MAGI2: variants seen among roughly 807,000 people sequenced by gnomAD.
MAGI2 encodes membrane-associated guanylate kinase, WW and PDZ domain-containing protein 2.
A neutral mutation model predicts 133.3 loss-of-function variants in MAGI2; 35 were observed. The observed-to-expected ratio is 0.26, with a 90% confidence interval of 0.20 to 0.35. The LOEUF is 0.35. Among genes scored for constraint, MAGI2 ranks in the 10% least tolerant of loss-of-function variants. The pLI is 1.00. For synonymous variants in MAGI2, 729 were observed against 710.6 expected (o/e 1.03, Z -0.41); for missense variants, 1,636 against 1,863.4 (o/e 0.88, Z 2.25).
intron 1 of MAGI2, among the ~76,000 whole-genome samples, chr7:79,274,687 T>C (rs1835112269): frequency 6.6e-6 from 1 of 152,308 alleles, no homozygotes; most frequent in South Asian, 2.1e-4. Context: ...TTTCACTTTA[T>C]TGCACTTTGC....
At chr7:78,247,261 T>C (rs966281597) in intron 10 of MAGI2, among the ~76,000 whole-genome samples, 2 of 151,984 alleles carry the variant, frequency 1.3e-5, no homozygotes, top group African/African-American at 4.8e-5. Context: ...CAAACTCCTA[T>C]AGCCTAGGCT....
At chr7:78,909,192 G>A (rs1348294678) in intron 2 of MAGI2, among the ~76,000 whole-genome samples, 1 of 151,184 alleles carries the variant, frequency 6.6e-6, no homozygotes, top group African/African-American at 2.4e-5. Context: ...ACATTTATGC[G>A]GCCAACAAAC....
chr7:78,759,280 C>A (rs1460050278), intron 2 of MAGI2, among the ~76,000 whole-genome samples: 1 of 152,004 alleles, frequency 6.6e-6, no homozygotes, highest in Non-Finnish European at 1.5e-5. Context: ...ATCTGGCCTA[C>A]CTAAAATTAT....
chr7:78,466,899 T>C (rs1169758881), intron 6 of MAGI2, among the ~76,000 whole-genome samples: 1 of 152,170 alleles, frequency 6.6e-6, no homozygotes, highest in Non-Finnish European at 1.5e-5. Flanking sequence ...TGCCTGGGAC[T>C]CTTTCTTTGC....
At chr7:79,141,929 T>C (rs1237359780) in intron 1 of MAGI2, among the ~76,000 whole-genome samples, 1 of 152,232 alleles carries the variant, frequency 6.6e-6, no homozygotes, top group Non-Finnish European at 1.5e-5. Flanking sequence ...TACTTTTATG[T>C]AGACTAATAT....
chr7:79,408,472 C>T (rs1334833334), intron 1 of MAGI2, among the ~76,000 whole-genome samples: 1 of 151,372 alleles, frequency 6.6e-6, no homozygotes, highest in African/African-American at 2.4e-5. Context: ...TAAGGAGATA[C>T]TATAGGACAA....
At chr7:79,377,599 C>T (rs1843464781) in intron 1 of MAGI2, among the ~76,000 whole-genome samples, 1 of 151,634 alleles carries the variant, frequency 6.6e-6, no homozygotes, top group African/African-American at 2.4e-5. Flanking sequence ...ATGAAGTGAG[C>T]AACGCAATCA....
At chr7:79,035,850 G>A (rs1293695220) in intron 1 of MAGI2, among the ~76,000 whole-genome samples, 2 of 152,144 alleles carry the variant, frequency 1.3e-5, no homozygotes, top group Non-Finnish European at 2.9e-5. Flanking sequence ...TCACAATCCT[G>A]TAAATTGAGA....
At chr7:78,114,726 C>T (rs933231545) in intron 20 of MAGI2, among the ~76,000 whole-genome samples, 5 of 152,202 alleles carry the variant, frequency 3.3e-5, no homozygotes, top group African/African-American at 1.2e-4. Context: ...ATCACAGTAC[C>T]AGCCCCTTGA....
chr7:78,997,835 C>T lies in MAGI2; in HGVS notation c.418+9255G>A, dbSNP rs538161267. ...GAGTCATTCACTTGCATAAGTGACACTTATTAAAATTCAACATTAGAAGGC... is the reference window on the plus strand; with the variant it reads ...GAGTCATTCACTTGCATAAGTGACATTTATTAAAATTCAACATTAGAAGGC... On this transcript the variant is annotated intron_variant, in intron 2 of 21. Transcript: ENST00000354212. Among the ~76,000 whole-genome samples, 15 of 152,200 alleles carry T rather than the reference C, an allele frequency of 9.9e-5. 2 individuals are homozygous for T. The South Asian group carries it at 3.1e-3, about 32-fold the overall frequency.
chr7:78,391,758 TC>T (rs1194690928), intron 6 of MAGI2, among the ~76,000 whole-genome samples: 2 of 152,216 alleles, frequency 1.3e-5, no homozygotes, highest in Non-Finnish European at 2.9e-5. Flanking sequence ...ATGCCATCTT[TC>T]CCCTATAAAG....
Position 78,954,907 on chromosome 7 carries a change from G to A in MAGI2, c.418+52183C>T, listed in dbSNP as rs548276693. Among the ~76,000 whole-genome samples the A allele has an allele frequency of 7.4e-4, 112 of 152,200 alleles. 1 individual carries two copies. Among genetic ancestry groups the A allele is most frequent in the African/African-American group, 2.6e-3 (109 of 41,550 alleles). On this transcript the variant is annotated intron_variant, in intron 2 of 21. Coordinates refer to ENST00000354212, the MANE Select transcript of MAGI2 (RefSeq NM_012301.4). ...TAAAAAAAGAGGTCTGGTTATTATA[G>A]ATGTGAGTTTTAAGAACCTTACACA... is the stretch of plus-strand genomic sequence containing the variant.
chr7:79,395,980 TTA>T, intron 1 of MAGI2, among the ~76,000 whole-genome samples: 1 of 152,170 alleles, frequency 6.6e-6, no homozygotes, highest in Non-Finnish European at 1.5e-5. Context: ...ATTGATTTTT[TTA>T]AATTAAAATT....
At chr7:78,753,824 G>T in intron 2 of MAGI2, among the ~76,000 whole-genome samples, 1 of 152,036 alleles carries the variant, frequency 6.6e-6, no homozygotes, top group East Asian at 1.9e-4. Flanking sequence ...ACAGAGGGAA[G>T]TATGGTACAA....
intron 6 of MAGI2, among the ~76,000 whole-genome samples, chr7:78,480,134 A>C (rs149011289): frequency 8.6e-4 from 130 of 151,984 alleles, no homozygotes; most frequent in African/African-American, 3.1e-3. Context: ...ACCAAAACTA[A>C]CAAGATGAAG....
At chr7:78,104,371 C>G (rs1260835588) in intron 20 of MAGI2, among the ~76,000 whole-genome samples, 2 of 151,740 alleles carry the variant, frequency 1.3e-5, no homozygotes, top group East Asian at 3.9e-4. Context: ...TACAGGCGCC[C>G]GCCACCACGC....
At chr7:79,298,650 G>T (rs1009411574) in intron 1 of MAGI2, among the ~76,000 whole-genome samples, 7 of 151,994 alleles carry the variant, frequency 4.6e-5, no homozygotes, top group Admixed American at 4.6e-4. Context: ...TCTACTTGGG[G>T]CTAAATTGTG....
intron 5 of MAGI2, among the ~76,000 whole-genome samples, chr7:78,499,648 C>CA (rs35451802): frequency 0.66 from 100,415 of 152,034 alleles, 33,750 homozygotes; most frequent in African/African-American, 0.79. Context: ...TAATCACACA[C>CA]AAAAAAGGTT....
intron 1 of MAGI2, among the ~76,000 whole-genome samples, chr7:79,261,471 C>T (rs984238605): frequency 3.3e-5 from 5 of 152,164 alleles, no homozygotes; most frequent in African/African-American, 7.2e-5. Context: ...GTGGATGGGA[C>T]GTCAAATCCA....
Sources: allele counts gnomAD v4.1 joint callset (sites outside exome capture counted in the v4.1 genomes callset), GRCh38; gene constraint gnomAD v4.1.1; transcripts MANE v1.5; gene names NCBI Gene and HGNC (gene_info 2026-07-23, HGNC 2026-07-21).